Variants in ZNF101 observed in about 807,000 individuals in gnomAD.
ZNF101 encodes the protein zinc finger protein 101 (Y2).
ZNF101 carries 34 observed loss-of-function variants against 42.6 expected under a neutral mutation model. The ratio of observed to expected loss-of-function variants is 0.80; its 90% CI spans 0.61 to 1.06. ZNF101 has a LOEUF of 1.06. ZNF101 is among the 50% of genes least tolerant of loss of function. The pLI, the probability that ZNF101 is intolerant of heterozygous loss-of-function variation, is 0.00. For missense variants in ZNF101, 466 were observed against 530.9 expected (o/e 0.88, Z 1.20); for synonymous variants, 158 against 183.9 (o/e 0.86, Z 1.14).
Position 19,679,461 on chromosome 19 carries a change from C to G in ZNF101, c.472C>G (p.Arg158Gly). The change falls in exon 4 of 4, where the codon CGG (arginine) becomes GGG (glycine). Residue 158 changes from arginine to glycine, a missense_variant. Arg to Gly is a moderately radical substitution (Grantham distance 125, BLOSUM62 -2). Coordinates refer to ENST00000592502, the MANE Select transcript of ZNF101 (RefSeq NM_033204.4). ...CTCCATTTCCCCCAGTAGTGGTGCA[C>G]GGCGCACAGTAACACCAACTCGAAA... is the stretch of plus-strand genomic sequence containing the variant. ...KASISPSSGA[R>G]RTVTPTRKRP... 1 of 1,614,048 alleles carries G rather than the reference C, an allele frequency of 6.2e-7. No individual in the cohort carries two copies. The highest frequency in any genetic ancestry group is 1.1e-5 in the South Asian group (1 of 91,078).
chr19:19,674,871 AGTGCAGTGGC>A (rs1328856301), intron 1 of ZNF101, among the ~76,000 whole-genome samples: 1 of 151,974 alleles, frequency 6.6e-6, no homozygotes, highest in Non-Finnish European at 1.5e-5. Context: ...CCCAGGATGG[AGTGCAGTGGC>A]GCCATCTCGG....
chr19:19,675,689 T>G (rs1221698242), intron 1 of ZNF101, among the ~76,000 whole-genome samples: 3 of 152,112 alleles, frequency 2.0e-5, no homozygotes, highest in African/African-American at 7.2e-5. Flanking sequence ...GGGGAATCAT[T>G]CTATTGACCT....
intron 1 of ZNF101, among the ~76,000 whole-genome samples, chr19:19,674,804 G>T (rs937343776): frequency 6.6e-6 from 1 of 151,984 alleles, no homozygotes; most frequent in Non-Finnish European, 1.5e-5. Flanking sequence ...TTTTGTATTC[G>T]TTGAGGTTTT....
Position 19,668,867 on chromosome 19 carries a change from G to C in ZNF101, c.-97G>C. 2.1e-6 allele frequency: 3 copies of C among 1,446,420 alleles called. No individual in the cohort carries two copies. The highest frequency in any genetic ancestry group is 5.6e-5 in the East Asian group (2 of 35,984). 89.6% of individuals were successfully genotyped at this position (1,446,420 alleles called of 1,614,324 possible). A position where few individuals can be genotyped will look rare whatever the true frequency, so the allele number is the denominator to read the frequency against. ...CGGGTCCGGGTTTTAGTTCCTCGGG[G>C]AGCCCCTGGTGCCCCGGATACGGCT... is the stretch of plus-strand genomic sequence containing the variant. On this transcript the variant is annotated 5_prime_UTR_variant, in exon 1 of 4. Transcript: ENST00000592502.
In ZNF101 at chr19:19,679,488, A is replaced by C; in HGVS notation, c.499A>C (p.Arg167=). The change falls in exon 4 of 4, where the codon AGA becomes CGA. Residue 167 remains arginine, a synonymous_variant. Coordinates refer to ENST00000592502, the MANE Select transcript of ZNF101 (RefSeq NM_033204.4). The part of the protein sequence containing the change: ...ARRTVTPTRK[R]PYECKVCGKA... ...GCGCACAGTAACACCAACTCGAAAG[A>C]GACCTTATGAATGCAAGGTGTGCGG... The C allele has an allele frequency of 6.2e-7, 1 of 1,614,160 alleles. No homozygotes were observed. Among genetic ancestry groups the C allele is most frequent in the South Asian group, 1.1e-5 (1 of 91,082 alleles).
At chr19:19,676,919 G>GT (rs1297212243) in intron 1 of ZNF101, 6 of 152,192 alleles carry the variant, frequency 3.9e-5, no homozygotes, top group African/African-American at 1.4e-4. Context: ...ACAGGTGTGA[G>GT]TCACCACACC....
At chr19:19,674,173 A>T (rs764664387) in intron 1 of ZNF101, among the ~76,000 whole-genome samples, 1 of 151,576 alleles carries the variant, frequency 6.6e-6, no homozygotes, top group Non-Finnish European at 1.5e-5. Flanking sequence ...GGTGCATATA[A>T]ATGTAGCTGA....
chr19:19,683,291 T>C lies in ZNF101; in HGVS notation c.*2991T>C, dbSNP rs187700971. 6.6e-6 allele frequency: 1 copy of C among 152,346 alleles called. No homozygotes were observed. The highest frequency in any genetic ancestry group is 1.9e-4 in the East Asian group (1 of 5,184). The allele number at this position is 152,346 out of a possible 1,614,324, so 9.4% of individuals were successfully genotyped here. On this transcript the variant is annotated 3_prime_UTR_variant, in exon 4 of 4. Coordinates refer to ENST00000592502, the MANE Select transcript of ZNF101 (RefSeq NM_033204.4). ...TATCAATTTATCAGTATGTAAAGTTTACCATAGAGTATTGTCTCATGTGAA... is the reference window on the plus strand; with the variant it reads ...TATCAATTTATCAGTATGTAAAGTTCACCATAGAGTATTGTCTCATGTGAA...
chr19:19,674,591 A>AT (rs2062190951), intron 1 of ZNF101, among the ~76,000 whole-genome samples: 2 of 151,954 alleles, frequency 1.3e-5, no homozygotes, highest in African/African-American at 2.4e-5. Flanking sequence ...TTATTTGAGG[A>AT]TTTTTTGCAT....
intron 1 of ZNF101, among the ~76,000 whole-genome samples, chr19:19,674,316 A>G (rs982343017): frequency 6.6e-6 from 1 of 151,830 alleles, no homozygotes; most frequent in Admixed American, 6.6e-5. Context: ...AGCTGGGACT[A>G]CAGGTGTGGG....
At position 19,668,977 on chromosome 19, in the gene ZNF101, G is replaced by C; in HGVS notation, c.3+11G>C. On this transcript the variant is annotated intron_variant, in intron 1 of 3. Transcript: ENST00000592502. ...CGGAAGCCGGAAATGGTGAGCGTGC[G>C]GAGCCGGGCGTCCGGAGACCTGAGG... 6.3e-7 allele frequency: 1 copy of C among 1,585,726 alleles called. No homozygotes were observed. The highest frequency in any genetic ancestry group is 1.1e-5 in the South Asian group (1 of 87,308).
intron 1 of ZNF101, among the ~76,000 whole-genome samples, chr19:19,670,797 A>G (rs1312269884): frequency 6.6e-6 from 1 of 151,628 alleles, no homozygotes; most frequent in South Asian, 2.1e-4. Context: ...GAATATGAAT[A>G]CATTCCCACA....
At chr19:19,677,605 G>GC (rs1289806205) in intron 1 of ZNF101, 40 of 363,860 alleles carry the variant, frequency 1.1e-4, no homozygotes, top group Non-Finnish European at 1.8e-4. Context: ...AGCATTTGGG[G>GC]CAACGCAGCA....
At chr19:19,678,615 CAA>C (rs71172513) in intron 2 of ZNF101, 109 bp from the exon 3 acceptor site, 22,260 of 736,976 alleles carry the variant, frequency 0.03, no homozygotes, top group Middle Eastern at 0.045. Context: ...ACTTTGTCTC[CAA>C]AAAAAAAAAA....
At chr19:19,671,653 T>C (rs2062171213) in intron 1 of ZNF101, among the ~76,000 whole-genome samples, 2 of 151,922 alleles carry the variant, frequency 1.3e-5, no homozygotes, top group African/African-American at 2.4e-5. Context: ...GTGCCCGCCA[T>C]TACGCCCGGC....
Position 19,677,991 on chromosome 19 carries a change from G to A in ZNF101, c.130+1G>A. 6.2e-7 allele frequency: 1 copy of A among 1,609,216 alleles called. No homozygotes were observed. Among genetic ancestry groups the A allele is most frequent in the Non-Finnish European group, 8.5e-7 (1 of 1,176,882 alleles). On this transcript the variant is annotated splice_donor_variant, in intron 2 of 3. Coordinates refer to ENST00000592502, the MANE Select transcript of ZNF101 (RefSeq NM_033204.4). LOFTEE classifies it high-confidence loss of function. The stretch of plus-strand genomic sequence containing the variant: ...ACCTTCAGGAACCTGGCCTCGGTCG[G>A]TAAGAAGGACATTTCCTTCCTTAGT...
At chr19:19,675,559 T>C (rs1300489574) in intron 1 of ZNF101, among the ~76,000 whole-genome samples, 1 of 152,200 alleles carries the variant, frequency 6.6e-6, no homozygotes, top group African/African-American at 2.4e-5. Context: ...TAATCAGTTA[T>C]ATAATTTACT....
chr19:19,673,110 A>T (rs567358443), intron 1 of ZNF101, among the ~76,000 whole-genome samples: 81 of 151,414 alleles, frequency 5.3e-4, no homozygotes, highest in African/African-American at 1.9e-3. Flanking sequence ...ACGCCTGGCT[A>T]ATTTTTTTTT....
At chr19:19,672,361 G>A (rs946702549) in intron 1 of ZNF101, 5 of 151,482 alleles carry the variant, frequency 3.3e-5, no homozygotes, top group Non-Finnish European at 7.4e-5. Flanking sequence ...GATTACAGGT[G>A]CCCTCCACCA....
Sources: allele counts gnomAD v4.1 joint callset (sites outside exome capture counted in the v4.1 genomes callset), GRCh38; gene constraint gnomAD v4.1.1; transcripts MANE v1.5; gene names NCBI Gene and HGNC (gene_info 2026-07-23, HGNC 2026-07-21).